LRP1B: variants seen among roughly 807,000 people sequenced by gnomAD.
The protein encoded by LRP1B is low-density lipoprotein receptor-related protein 1B.
A neutral mutation model predicts 556.6 loss-of-function variants in LRP1B; 217 were observed. The observed-to-expected ratio is 0.39, with a 90% CI of 0.35 to 0.44. The LOEUF is 0.44. Among genes scored for constraint, LRP1B ranks in the 20% least tolerant of loss-of-function variants. The pLI is 1.00. For missense variants in LRP1B, 5,053 were observed against 5,620.8 expected (o/e 0.90, Z 3.23); for synonymous variants, 2,047 against 1,865.8 (o/e 1.10, Z -2.50).
intron 2 of LRP1B, among the ~76,000 whole-genome samples, chr2:141,797,167 A>C (rs3931090): frequency 1.1e-5 from 1 of 87,690 alleles, no homozygotes; most frequent in African/African-American, 3.4e-5. Context: ...ATATATATAT[A>C]TATATATATA....
rs140519742 is a variant in LRP1B at position 141,457,574 on chromosome 2, C to T, written c.343+22822G>A. Among the ~76,000 whole-genome samples the T allele has an allele frequency of 2.6e-3, 398 of 152,188 alleles. 3 individuals carry two copies. Among genetic ancestry groups the T allele is most frequent in the Non-Finnish European group, 4.9e-3 (336 of 68,018 alleles). ...ATGTAACAAACCTGCACATCCTACA[C>T]GTGTACCCTGGAACTTAAAAATAAA... On this transcript the variant is annotated intron_variant, in intron 3 of 90. Coordinates refer to ENST00000389484, the MANE Select transcript of LRP1B (RefSeq NM_018557.3).
intron 2 of LRP1B, among the ~76,000 whole-genome samples, chr2:141,782,737 A>G (rs990305327): frequency 6.6e-6 from 1 of 152,038 alleles, no homozygotes; most frequent in Non-Finnish European, 1.5e-5. Flanking sequence ...CATATGGTCA[A>G]TGAGGAATGT....
rs142724072 is a variant in LRP1B, at chr2:140,488,650, G to T, written c.9121-911C>A. Among the ~76,000 whole-genome samples, 399 of 152,054 alleles carry T rather than the reference G, an allele frequency of 2.6e-3. 3 individuals are homozygous for T. The highest frequency in any genetic ancestry group is 9.2e-3 in the African/African-American group (383 of 41,534). ...AAGATTATACATTTACTACCTTAAG[G>T]ACTGAGTAATTTATTAATATATACA... On this transcript the variant is annotated intron_variant, in intron 57 of 90. Transcript: ENST00000389484.
At chr2:141,340,934 C>T (rs934645189) in intron 3 of LRP1B, among the ~76,000 whole-genome samples, 17 of 149,676 alleles carry the variant, frequency 1.1e-4, no homozygotes, top group African/African-American at 4.0e-4. Flanking sequence ...GGCACAGATA[C>T]GCAGATAAGT....
At chr2:140,518,417 A>C (rs1233117526) in intron 49 of LRP1B, among the ~76,000 whole-genome samples, 2 of 152,158 alleles carry the variant, frequency 1.3e-5, no homozygotes, top group Admixed American at 6.6e-5. Context: ...ATTAGTGTTG[A>C]AAGTTAATTT....
chr2:141,567,643 A>C (rs1236233917), intron 2 of LRP1B, among the ~76,000 whole-genome samples: 1 of 151,998 alleles, frequency 6.6e-6, no homozygotes, highest in Non-Finnish European at 1.5e-5. Flanking sequence ...ATTATATGTT[A>C]AAAGAGACTC....
chr2:140,967,116 C>T (rs997722225), intron 18 of LRP1B, among the ~76,000 whole-genome samples: 4 of 152,300 alleles, frequency 2.6e-5, no homozygotes, highest in Middle Eastern at 3.4e-3. Flanking sequence ...GGCATTAAAT[C>T]TATAAATTAC....
chr2:140,677,684 T>G (rs1260953616), intron 41 of LRP1B, among the ~76,000 whole-genome samples: 3 of 150,920 alleles, frequency 2.0e-5, no homozygotes, highest in Non-Finnish European at 4.4e-5. Context: ...ATCAGCCTGG[T>G]CAACATGGTG....
intron 3 of LRP1B, among the ~76,000 whole-genome samples, chr2:141,326,535 A>G (rs1176211785): frequency 6.6e-6 from 1 of 152,158 alleles, no homozygotes; most frequent in East Asian, 1.9e-4. Context: ...TGGGGAAATG[A>G]AAATGCAGTA....
intron 2 of LRP1B, among the ~76,000 whole-genome samples, chr2:141,523,215 C>T (rs1684585141): frequency 6.6e-6 from 1 of 152,040 alleles, no homozygotes; most frequent in African/African-American, 2.4e-5. Flanking sequence ...AACACTATTC[C>T]AAATGAGATT....
At position 141,177,689 on chromosome 2, in the gene LRP1B, C is replaced by T. The variant is rs150557583; in HGVS notation, c.1013+10732G>A. Among the ~76,000 whole-genome samples the T allele has an allele frequency of 5.8e-4, 89 of 152,168 alleles. 1 individual carries two copies. The East Asian group carries it at 9.5e-3, about 16-fold the overall frequency. On this transcript the variant is annotated intron_variant, in intron 7 of 90. Coordinates refer to ENST00000389484, the MANE Select transcript of LRP1B (RefSeq NM_018557.3). ...AAGCAAAAAATGAAAGTGAAAAGAA[C>T]AAGTCCAAAACTGGGGACTCCCAGG...
chr2:141,679,649 G>A (rs1048439931), intron 2 of LRP1B, among the ~76,000 whole-genome samples: 6 of 152,094 alleles, frequency 3.9e-5, no homozygotes, highest in African/African-American at 1.4e-4. Context: ...CATGCACATT[G>A]AGGGTTGCTT....
intron 1 of LRP1B, among the ~76,000 whole-genome samples, chr2:141,986,397 A>G (rs1380242481): frequency 1.3e-5 from 2 of 151,966 alleles, no homozygotes; most frequent in African/African-American, 4.8e-5. Flanking sequence ...TCATCTGTCA[A>G]CTTGCCATGT....
At chr2:141,372,741 C>A (rs902949878) in intron 3 of LRP1B, among the ~76,000 whole-genome samples, 1 of 151,702 alleles carries the variant, frequency 6.6e-6, no homozygotes, top group African/African-American at 2.4e-5. Flanking sequence ...TTTTTCATTG[C>A]TGTTTATTTA....
rs1354912358 is a variant in LRP1B, at chr2:140,315,116, A to G, written c.12641-17T>C. ...ATGAATCATCTGTTTATGAGAAGAA[A>G]TGTACAAATTAGCATGTTTTCAGGG... On this transcript the variant is annotated splice_polypyrimidine_tract_variant and intron_variant, in intron 82 of 90. Transcript: ENST00000389484. 2 of 1,571,250 alleles carry G rather than the reference A, an allele frequency of 1.3e-6. No individual in the cohort carries two copies. The highest frequency in any genetic ancestry group is 2.7e-5 in the African/African-American group (2 of 73,866).
chr2:140,307,656 G>A (rs1214984750), intron 83 of LRP1B, among the ~76,000 whole-genome samples: 1 of 151,748 alleles, frequency 6.6e-6, no homozygotes, highest in African/African-American at 2.4e-5. Context: ...AAATTTATAT[G>A]ATTTGGTTAC....
In LRP1B at chr2:140,741,031, C is replaced by T. The variant is rs191267297; in HGVS notation, c.5759-24215G>A. On this transcript the variant is annotated intron_variant, in intron 35 of 90. Transcript: ENST00000389484. ...CCTCTCAGAGATTATTTGTAATCCC[C>T]ATAAGAACACATGATGCTGCAAATA... 4.9e-4 allele frequency among the ~76,000 whole-genome samples: 75 copies of T among 152,168 alleles called. No individual in the cohort carries two copies. The East Asian group carries it at 0.012, about 24-fold the overall frequency.
At chr2:141,725,757 T>C (rs1301630827) in intron 2 of LRP1B, among the ~76,000 whole-genome samples, 1 of 151,818 alleles carries the variant, frequency 6.6e-6, no homozygotes, top group Non-Finnish European at 1.5e-5. Flanking sequence ...TAAGAGGATG[T>C]AGCTGAGAGA....
At chr2:140,857,170 C>T (rs12328074) in intron 27 of LRP1B, among the ~76,000 whole-genome samples, 1,626 of 152,180 alleles carry the variant, frequency 0.011, 27 homozygotes, top group African/African-American at 0.036. Context: ...ATAAAATACA[C>T]ATAAATGTTC....
Sources: gnomAD v4.1 joint callset for allele counts (sites outside exome capture counted in the v4.1 genomes callset) on GRCh38, gnomAD v4.1.1 for gene constraint, MANE v1.5 for transcripts, NCBI Gene and HGNC (gene_info 2026-07-23, HGNC 2026-07-21) for gene names.